Variants in ZNF79 observed in about 807,000 individuals in gnomAD.
ZNF79 encodes ZNFpT7.
ZNF79 carries 13 observed loss-of-function variants against 14.9 expected under a neutral mutation model. The observed-to-expected ratio is 0.87, with a 90% CI of 0.57 to 1.38. The LOEUF (loss-of-function observed/expected upper bound fraction) is 1.38, where lower values mean the gene tolerates loss of function less well. Among genes scored for constraint, ZNF79 ranks in the 40% most tolerant of loss-of-function variants. The pLI is 0.00. For missense variants in ZNF79, 631 were observed against 630.6 expected (o/e 1.00, Z -0.01); for synonymous variants, 223 against 235.1 (o/e 0.95, Z 0.47).
Position 127,424,704 on chromosome 9 carries a change from C to G in ZNF79, c.-84C>G. On this transcript the variant is annotated 5_prime_UTR_variant, in exon 1 of 5. Coordinates refer to ENST00000342483, the MANE Select transcript of ZNF79 (RefSeq NM_007135.3). The stretch of plus-strand genomic sequence containing the variant: ...CGGCCTGGGAGCCGTCAGAGCAGCC[C>G]TGCAGAACGGGGTGGGGGCTGCTGT... 6.2e-7 allele frequency: 1 copy of G among 1,604,570 alleles called. No individual in the cohort carries two copies. The highest frequency in any genetic ancestry group is 8.5e-7 in the Non-Finnish European group (1 of 1,174,756).
In ZNF79 at chr9:127,424,628, A is replaced by T; in HGVS notation, c.-160A>T. ...GCCCGGACAGCTCCCGCGACCCAGCACCGCAGGATCAGACCGTGCCTCTGC... is the reference window on the plus strand; with the variant it reads ...GCCCGGACAGCTCCCGCGACCCAGCTCCGCAGGATCAGACCGTGCCTCTGC... On this transcript the variant is annotated 5_prime_UTR_variant, in exon 1 of 5. Transcript: ENST00000342483. 9.0e-7 allele frequency: 1 copy of T among 1,106,712 alleles called. No homozygotes were observed. Among genetic ancestry groups the T allele is most frequent in the Non-Finnish European group, 1.3e-6 (1 of 762,930 alleles). The allele number at this position is 1,106,712 out of a possible 1,614,324, so 68.6% of individuals were successfully genotyped here.
intron 4 of ZNF79, among the ~76,000 whole-genome samples, chr9:127,436,977 T>C (rs941702441): frequency 2.0e-5 from 3 of 151,272 alleles, no homozygotes; most frequent in African/African-American, 7.3e-5. Context: ...GGAGAATCAC[T>C]TGAACCTGGG....
rs763643382 is a variant in ZNF79, at chr9:127,444,333, T to A, written c.633T>A (p.His211Gln). 1 of 1,613,972 alleles carries A rather than the reference T, an allele frequency of 6.2e-7. No individual in the cohort carries two copies. Among genetic ancestry groups the A allele is most frequent in the East Asian group, 2.2e-5 (1 of 44,872 alleles). Reference protein sequence around the residue: ...AFSYCSSLSQHQKSHTGEKPY... With the variant: ...AFSYCSSLSQQQKSHTGEKPY... ...GTTACTGTTCTTCCCTTTCTCAGCA[T>A]CAGAAGAGCCACACTGGAGAGAAGC... The change falls in exon 5 of 5, where the codon CAT (histidine) becomes CAA (glutamine). Residue 211 changes from histidine to glutamine, a missense_variant. By Grantham distance (24) the His-to-Gln change is conservative (BLOSUM62 0). Transcript: ENST00000342483.
At chr9:127,431,350 C>T (rs1236484436) in intron 2 of ZNF79, among the ~76,000 whole-genome samples, 1 of 151,822 alleles carries the variant, frequency 6.6e-6, no homozygotes, top group Admixed American at 6.6e-5. Flanking sequence ...TCCACCCCCC[C>T]AATGCTCAAG....
intron 1 of ZNF79, among the ~76,000 whole-genome samples, chr9:127,426,372 CTTTTT>C (rs34029339): frequency 7.8e-6 from 1 of 128,504 alleles, no homozygotes. Context: ...TAATATGTGA[CTTTTT>C]TTTTTTTTTT....
At chr9:127,437,080 AAG>A (rs1192471732) in intron 4 of ZNF79, among the ~76,000 whole-genome samples, 16 of 151,182 alleles carry the variant, frequency 1.1e-4, no homozygotes, top group Non-Finnish European at 1.9e-4. Context: ...AAAAAAAAAA[AAG>A]AAGATGCAAC....
chr9:127,428,737 C>T (rs1362708310), intron 1 of ZNF79, 95 bp from the exon 2 acceptor site: 17 of 1,293,748 alleles, frequency 1.3e-5, no homozygotes, highest in South Asian at 4.5e-5. Flanking sequence ...ATTCAGCCCA[C>T]GTGCCCTGAT....
rs144397013 is a variant in ZNF79, at chr9:127,425,750, G to C, written c.16+947G>C. ...TGGGACTACAGGTGCCCGACACCAA[G>C]TCCAGCTAATTTTTGTATTTTTAGT... On this transcript the variant is annotated intron_variant, in intron 1 of 4. Transcript: ENST00000342483. Among the ~76,000 whole-genome samples the C allele has an allele frequency of 8.9e-3, 1,350 of 152,226 alleles. 14 individuals are homozygous for C. Among genetic ancestry groups the C allele is most frequent in the Admixed American group, 0.015 (226 of 15,298 alleles).
At chr9:127,428,718 G>C in intron 1 of ZNF79, 114 bp from the exon 2 acceptor site, 1 of 1,301,198 alleles carries the variant, frequency 7.7e-7, no homozygotes, top group Non-Finnish European at 9.9e-7. Context: ...TCACACTACA[G>C]GTCTGCAGAT....
rs918165488 is a variant in ZNF79 at position 127,429,828 on chromosome 9, T to C, written c.105+908T>C. Among the ~76,000 whole-genome samples the C allele has an allele frequency of 1.4e-4, 21 of 151,782 alleles. No individual in the cohort carries two copies. In the South Asian group the frequency reaches 1.7e-3, roughly 12 times the overall value. On this transcript the variant is annotated intron_variant, in intron 2 of 4. Transcript: ENST00000342483. ...TCTCTTTTATTTCTTTTTCCTTTTT[T>C]TTTTTTTTGATGGAATCTTGCTCTG...
In ZNF79 at chr9:127,441,024, C is replaced by T. The variant is rs117198854; in HGVS notation, c.329-3005C>T. Among the ~76,000 whole-genome samples, 1,200 of 152,262 alleles carry T rather than the reference C, an allele frequency of 7.9e-3. 5 individuals carry two copies. Among genetic ancestry groups the T allele is most frequent in the Middle Eastern group, 0.031 (9 of 294 alleles). ...AGCTGAGGGACAGGCCATTTGTGAG[C>T]ATCATGTGGTCCTCTGAATTGCCCC... On this transcript the variant is annotated intron_variant, in intron 4 of 4. Coordinates refer to ENST00000342483, the MANE Select transcript of ZNF79 (RefSeq NM_007135.3).
At chr9:127,437,737 C>T (rs796420011) in intron 4 of ZNF79, among the ~76,000 whole-genome samples, 24 of 151,978 alleles carry the variant, frequency 1.6e-4, no homozygotes, top group African/African-American at 5.3e-4. Context: ...AGCTGCATCA[C>T]GCCAATCTCT....
intron 4 of ZNF79, among the ~76,000 whole-genome samples, chr9:127,441,074 CTT>C (rs1307947186): frequency 1.3e-5 from 2 of 152,094 alleles, no homozygotes; most frequent in African/African-American, 2.4e-5. Context: ...TCTTGTCACT[CTT>C]CCTCTCCTTT....
At chr9:127,428,529 G>C in intron 1 of ZNF79, 1 of 348,116 alleles carries the variant, frequency 2.9e-6, no homozygotes, top group Non-Finnish European at 4.3e-6. Context: ...CCCTTACAAG[G>C]GTTTATCATC....
chr9:127,427,215 C>T lies in ZNF79; in HGVS notation c.17-1617C>T, dbSNP rs142939518. Among the ~76,000 whole-genome samples the T allele has an allele frequency of 0.012, 1,750 of 146,286 alleles. 151 individuals are homozygous for T. The East Asian group carries it at 0.26, about 22-fold the overall frequency. ...AGCAGATTACTTGAGGTCAGGAGTT[C>T]GAGACCAGCCTGGCCAACGTGGTGA... On this transcript the variant is annotated intron_variant, in intron 1 of 4. Transcript: ENST00000342483.
chr9:127,424,829 G>T, intron 1 of ZNF79, 26 bp downstream of exon 1: 1 of 1,613,732 alleles, frequency 6.2e-7, no homozygotes. Flanking sequence ...GGGAGCGATT[G>T]TCAAGAGATC....
chr9:127,440,247 G>A (rs892030661), intron 4 of ZNF79, among the ~76,000 whole-genome samples: 1 of 152,166 alleles, frequency 6.6e-6, no homozygotes, highest in East Asian at 1.9e-4. Context: ...AGGCTGAGTC[G>A]GGAATAGAAG....
chr9:127,437,009 G>A (rs918530179), intron 4 of ZNF79, among the ~76,000 whole-genome samples: 7 of 147,686 alleles, frequency 4.7e-5, no homozygotes, highest in African/African-American at 1.5e-4. Flanking sequence ...GCAGTGAGCC[G>A]AGATTGTGCC....
At chr9:127,429,911 G>A (rs979624339) in intron 2 of ZNF79, among the ~76,000 whole-genome samples, 2 of 151,110 alleles carry the variant, frequency 1.3e-5, no homozygotes, top group Non-Finnish European at 3.0e-5. Context: ...CCACCTCCCA[G>A]GTTCAAGCGA....
Sources: gnomAD v4.1 joint callset for allele counts (sites outside exome capture counted in the v4.1 genomes callset) on GRCh38, gnomAD v4.1.1 for gene constraint, MANE v1.5 for transcripts, NCBI Gene and HGNC (gene_info 2026-07-23, HGNC 2026-07-21) for gene names.